QTGAL: variants seen among roughly 807,000 people sequenced by gnomAD.
The protein encoded by QTGAL is BGnT-like protein 1.
chr17:83,014,665 C>T, the QTGAL span: 4 of 842,262 alleles, frequency 4.7e-6, no homozygotes, highest in Non-Finnish European at 7.5e-6. Flanking sequence ...AACTGATCCT[C>T]TCGCCTCAGC....
At chr17:82,989,375 T>C in the QTGAL span, among the ~76,000 whole-genome samples, 5 of 150,408 alleles carry the variant, frequency 3.3e-5, no homozygotes, top group Middle Eastern at 3.5e-3. Context: ...TCAGGAAAAA[T>C]AGCTAATGCA....
the QTGAL span, among the ~76,000 whole-genome samples, chr17:83,021,240 C>T: frequency 0.013 from 1,930 of 151,968 alleles, 32 homozygotes; most frequent in African/African-American, 0.038. Flanking sequence ...GAACCAAGAA[C>T]GCGGAATAAG....
chr17:83,042,089 A>G, the QTGAL span, among the ~76,000 whole-genome samples: 2 of 152,248 alleles, frequency 1.3e-5, no homozygotes, highest in Non-Finnish European at 2.9e-5. Flanking sequence ...AAAACAAGCC[A>G]GGTGCTGTGG....
chr17:83,034,314 T>A, the QTGAL span, among the ~76,000 whole-genome samples: 1 of 152,244 alleles, frequency 6.6e-6, no homozygotes, highest in Non-Finnish European at 1.5e-5. Flanking sequence ...ATTTTCCGAT[T>A]TCATCCCAGT....
chr17:82,982,295 A>G, the QTGAL span, among the ~76,000 whole-genome samples: 1 of 152,198 alleles, frequency 6.6e-6, no homozygotes, highest in African/African-American at 2.4e-5. Flanking sequence ...ACATTTTCCA[A>G]TATATTTATT....
chr17:82,950,897 T>C, the QTGAL span, among the ~76,000 whole-genome samples: 1 of 152,188 alleles, frequency 6.6e-6, no homozygotes, highest in African/African-American at 2.4e-5. Context: ...GGCCTTGCCG[T>C]TCCATTTCTA....
the QTGAL span, among the ~76,000 whole-genome samples, chr17:83,012,612 G>C: frequency 6.6e-6 from 1 of 152,170 alleles, no homozygotes; most frequent in Non-Finnish European, 1.5e-5. Flanking sequence ...CACAGCTGCA[G>C]GGACGCAAAG....
At chr17:82,992,036 C>A in the QTGAL span, among the ~76,000 whole-genome samples, 1 of 151,922 alleles carries the variant, frequency 6.6e-6, no homozygotes, top group Non-Finnish European at 1.5e-5. Context: ...AAAGAATAAA[C>A]AATAATGAAG....
chr17:83,029,448 C>T, the QTGAL span, among the ~76,000 whole-genome samples: 10 of 152,168 alleles, frequency 6.6e-5, no homozygotes, highest in East Asian at 1.2e-3. Flanking sequence ...TTTGGGCTGA[C>T]GGTTACCCAG....
the QTGAL span, among the ~76,000 whole-genome samples, chr17:83,040,095 T>A: frequency 5.3e-3 from 805 of 152,310 alleles, 7 homozygotes; most frequent in African/African-American, 0.018. Context: ...TCTAAAGCAG[T>A]GGCTCCTGAT....
chr17:82,997,930 A>AAT, the QTGAL span, among the ~76,000 whole-genome samples: 2,324 of 131,588 alleles, frequency 0.018, 32 homozygotes, highest in African/African-American at 0.035. Context: ...TAAAAAAAAA[A>AAT]ATATATATAT....
At chr17:82,963,168 C>CGG in the QTGAL span, among the ~76,000 whole-genome samples, 2 of 152,158 alleles carry the variant, frequency 1.3e-5, no homozygotes, top group African/African-American at 4.8e-5. Context: ...ATGGAGCACC[C>CGG]AGAACTGCCT....
At chr17:82,972,897 G>T in the QTGAL span, among the ~76,000 whole-genome samples, 1 of 150,804 alleles carries the variant, frequency 6.6e-6, no homozygotes, top group African/African-American at 2.5e-5. Flanking sequence ...CCACACCACA[G>T]GGGCCAGAAG....
the QTGAL span, among the ~76,000 whole-genome samples, chr17:82,959,580 G>T: frequency 6.6e-6 from 1 of 151,966 alleles, no homozygotes; most frequent in Non-Finnish European, 1.5e-5. Context: ...TAGCAGCCCG[G>T]GTGTGTTGGG....
chr17:83,002,477 C>T, the QTGAL span, among the ~76,000 whole-genome samples: 1 of 152,220 alleles, frequency 6.6e-6, no homozygotes, highest in Non-Finnish European at 1.5e-5. Flanking sequence ...CAGCAACTCA[C>T]TCACAGTGTG....
chr17:83,011,442 C>G, the QTGAL span: 6 of 152,214 alleles, frequency 3.9e-5, no homozygotes, highest in Admixed American at 3.3e-4. Context: ...AGTATCTCAG[C>G]GTTTATTTCA....
chr17:83,007,883 T>C, the QTGAL span, among the ~76,000 whole-genome samples: 3 of 152,198 alleles, frequency 2.0e-5, no homozygotes, highest in African/African-American at 7.2e-5. Flanking sequence ...GGATCTTTTT[T>C]GGCCTCAACA....
the QTGAL span, chr17:83,051,626 G>A: frequency 9.0e-7 from 1 of 1,112,834 alleles, no homozygotes; most frequent in Non-Finnish European, 1.2e-6. Context: ...AGGTGAGCCC[G>A]AGAGGCGGTG....
chr17:83,035,389 G>A, the QTGAL span, among the ~76,000 whole-genome samples: 4 of 151,964 alleles, frequency 2.6e-5, no homozygotes, highest in East Asian at 3.9e-4. Context: ...GGCTGGTCTC[G>A]AACTCCCAAC....
Sources: gnomAD v4.1 joint callset for allele counts (sites outside exome capture counted in the v4.1 genomes callset) on GRCh38, gnomAD v4.1.1 for gene constraint, MANE v1.5 for transcripts, NCBI Gene and HGNC (gene_info 2026-07-23, HGNC 2026-07-21) for gene names.